Variants in CTXN2 observed in about 807,000 individuals in gnomAD.
The protein encoded by CTXN2 is cortexin 2, also known as cortexin-2.
CTXN2 carries 3 observed loss-of-function variants against 5.7 expected under a neutral mutation model. The observed-to-expected ratio is 0.53, with a 90% CI of 0.24 to 1.36. The LOEUF (loss-of-function observed/expected upper bound fraction) is 1.36. CTXN2 is among the 40% of genes most tolerant of loss of function. CTXN2 has a pLI of 0.17. For missense variants in CTXN2, 87 were observed against 93.0 expected (o/e 0.94, Z 0.26); for synonymous variants, 38 against 36.4 (o/e 1.04, Z -0.16).
chr15:48,191,627 C>A, upstream of CTXN2: 2 of 438,164 alleles, frequency 4.6e-6, no homozygotes, highest in South Asian at 1.6e-5. Flanking sequence ...TGCAAACGCG[C>A]GCGCGCACAC....
At chr15:48,190,441 A>G (rs2040804902), upstream of CTXN2, among the ~76,000 whole-genome samples, 1 of 152,198 alleles carries the variant, frequency 6.6e-6, no homozygotes, top group Admixed American at 6.5e-5. Flanking sequence ...TTTAAAATCA[A>G]AAAACAACTT....
rs1017535521 is a variant in CTXN2 at position 48,200,509 on chromosome 15, T to A, written c.-57-735T>A. ...AGTTGAATTTGCAGAGAAAGCATGC[T>A]GTTTAACTTGGATTTTATGTTTACT... On this transcript the variant is annotated intron_variant, in intron 1 of 1. Coordinates refer to ENST00000417307, the MANE Select transcript of CTXN2 (RefSeq NM_001145668.2). Among the ~76,000 whole-genome samples, 8 of 152,258 alleles carry A rather than the reference T, an allele frequency of 5.3e-5. No individual in the cohort carries two copies. The East Asian group carries it at 1.5e-3, about 29-fold the overall frequency.
upstream of CTXN2, among the ~76,000 whole-genome samples, chr15:48,188,509 T>A (rs567940813): frequency 1.1e-4 from 16 of 152,302 alleles, no homozygotes; most frequent in African/African-American, 3.6e-4. Flanking sequence ...TAGTAAGTTA[T>A]ATGTTGACCA....
At chr15:48,191,328 C>T (rs1285790959), upstream of CTXN2, 1 of 164,842 alleles carries the variant, frequency 6.1e-6, no homozygotes, top group African/African-American at 2.4e-5. Flanking sequence ...AGCAGTAAAT[C>T]AATTAAACCC....
At chr15:48,199,642 C>T (rs1037489341) in intron 1 of CTXN2, among the ~76,000 whole-genome samples, 5 of 152,110 alleles carry the variant, frequency 3.3e-5, no homozygotes, top group African/African-American at 9.7e-5. Flanking sequence ...ATTTAGTCAG[C>T]AAAAGAAGTT....
At chr15:48,188,529 T>C (rs1286232603), upstream of CTXN2, among the ~76,000 whole-genome samples, 3 of 152,192 alleles carry the variant, frequency 2.0e-5, no homozygotes, top group Non-Finnish European at 4.4e-5. Context: ...AACACTTTAG[T>C]AACAGCTCTG....
intron 1 of CTXN2, among the ~76,000 whole-genome samples, chr15:48,199,967 A>G (rs1340155365): frequency 6.6e-6 from 1 of 152,184 alleles, no homozygotes; most frequent in Non-Finnish European, 1.5e-5. Flanking sequence ...TTTGTAATCT[A>G]AATCATTATA....
intron 1 of CTXN2, among the ~76,000 whole-genome samples, chr15:48,178,995 T>C (rs965713150): frequency 6.6e-6 from 1 of 151,578 alleles, no homozygotes; most frequent in African/African-American, 2.4e-5. Flanking sequence ...ATAATGGACA[T>C]TTGAGGTTTT....
chr15:48,199,465 G>A (rs892096081), intron 1 of CTXN2, among the ~76,000 whole-genome samples: 2 of 152,132 alleles, frequency 1.3e-5, no homozygotes, highest in East Asian at 1.9e-4. Context: ...TTATGCTCTA[G>A]TAAAAAACTA....
At position 48,201,632 on chromosome 15, in the gene CTXN2, G is replaced by C. The variant is rs2140991823; in HGVS notation, c.*86G>C. On this transcript the variant is annotated 3_prime_UTR_variant, in exon 2 of 2. Transcript: ENST00000417307. ...AACTACCTTGAGGGTGTGGGAGAGA[G>C]GCTCATTTTGTTCAGTGAATTCAAT... 16 of 1,322,736 alleles carry C rather than the reference G, an allele frequency of 1.2e-5. No homozygotes were observed. The South Asian group carries it at 2.2e-4, about 18-fold the overall frequency. 81.9% of individuals were successfully genotyped at this position (1,322,736 alleles called of 1,614,324 possible).
chr15:48,194,211 C>T (rs2040855232), intron 1 of CTXN2, among the ~76,000 whole-genome samples: 1 of 138,864 alleles, frequency 7.2e-6, no homozygotes, highest in South Asian at 2.2e-4. Flanking sequence ...TCTTTCTCAA[C>T]CCATTTTTTT....
chr15:48,197,192 C>T (rs1281850141), intron 1 of CTXN2, among the ~76,000 whole-genome samples: 11 of 151,882 alleles, frequency 7.2e-5, no homozygotes, highest in Admixed American at 7.2e-4. Flanking sequence ...GAAACCCTTC[C>T]ACCTCAAAGC....
At chr15:48,186,326 T>C (rs1673560179) in intron 1 of CTXN2, among the ~76,000 whole-genome samples, 1 of 152,224 alleles carries the variant, frequency 6.6e-6, no homozygotes, top group African/African-American at 2.4e-5. Flanking sequence ...TCATTTTCAA[T>C]GGGACTCATC....
At chr15:48,180,320 A>C (rs2040689488) in intron 1 of CTXN2, among the ~76,000 whole-genome samples, 1 of 152,234 alleles carries the variant, frequency 6.6e-6, no homozygotes, top group Non-Finnish European at 1.5e-5. Context: ...TAAAAGACAA[A>C]GAATTAAGGC....
chr15:48,186,664 G>A (rs1402502709), intron 1 of CTXN2, among the ~76,000 whole-genome samples: 1 of 152,090 alleles, frequency 6.6e-6, no homozygotes, highest in African/African-American at 2.4e-5. Context: ...ATTTTGGGAA[G>A]CCAAGGCAGG....
chr15:48,197,950 C>G (rs1876763479), intron 1 of CTXN2, among the ~76,000 whole-genome samples: 1 of 152,076 alleles, frequency 6.6e-6, no homozygotes, highest in South Asian at 2.1e-4. Flanking sequence ...AGGGCAGGCA[C>G]AGAGGAAGAA....
chr15:48,182,307 CT>C lies in CTXN2; in HGVS notation c.-455+3911del, dbSNP rs767422608. On this transcript the variant is annotated intron_variant, in intron 1 of 2. Transcript: ENST00000644354. ...CTGAATAATCCAGGCAGAAACTCCA[CT>C]TTTACCTCAATTATTCAAATAATTC... Among the ~76,000 whole-genome samples, 4 of 152,338 alleles carry C rather than the reference CT, an allele frequency of 2.6e-5. No homozygotes were observed. The East Asian group carries it at 7.7e-4, about 29-fold the overall frequency.
At chr15:48,190,287 A>G (rs763172191), upstream of CTXN2, 1 of 152,240 alleles carries the variant, frequency 6.6e-6, no homozygotes, top group Non-Finnish European at 1.5e-5. Context: ...TCCAGCCCAG[A>G]GTGCTAATAA....
chr15:48,197,819 G>A (rs1030106651), intron 1 of CTXN2, among the ~76,000 whole-genome samples: 1 of 152,070 alleles, frequency 6.6e-6, no homozygotes, highest in Non-Finnish European at 1.5e-5. Context: ...TGGTGACTTT[G>A]TTTATTCAGT....
Sources: allele counts gnomAD v4.1 joint callset (sites outside exome capture counted in the v4.1 genomes callset), GRCh38; gene constraint gnomAD v4.1.1; transcripts MANE v1.5; gene names NCBI Gene and HGNC (gene_info 2026-07-23, HGNC 2026-07-21).